MAD1L1: variants seen among roughly 807,000 people sequenced by gnomAD.
MAD1L1 encodes mitotic spindle assembly checkpoint protein MAD1.
Under a neutral mutation model 96.9 loss-of-function variants are expected in MAD1L1, and 95 were observed. That is an observed-to-expected ratio of 0.98 (90% CI 0.83 to 1.16). The LOEUF is 1.16. Ranked by LOEUF, MAD1L1 falls within the 50% of genes most tolerant of loss-of-function variation. The pLI, the probability that MAD1L1 is intolerant of heterozygous loss-of-function variation, is 0.00. For synonymous variants in MAD1L1, 473 were observed against 396.6 expected, an observed-to-expected ratio of 1.19 and a Z score of -2.29; for missense variants, 1,007 against 954.4, an observed-to-expected ratio of 1.06 and a Z score of -0.73.
At chr7:1,878,022 A>G (rs1785472747) in intron 18 of MAD1L1, among the ~76,000 whole-genome samples, 2 of 152,224 alleles carry the variant, frequency 1.3e-5, no homozygotes, top group Non-Finnish European at 2.9e-5. Context: ...TGCTATGGGT[A>G]ATACAAGGAT....
chr7:1,968,896 T>C lies in MAD1L1; in HGVS notation c.1506-11177A>G, dbSNP rs904046691. On this transcript the variant is annotated intron_variant, in intron 15 of 18. Coordinates refer to ENST00000265854, the MANE Select transcript of MAD1L1 (RefSeq NM_001013836.2). The surrounding 1 kb of genome is among the most constrained non-coding windows in gnomAD (Gnocchi z 5.6). ...TCAACACGGTGCCCTGGCTGCAACATGCAGGAAAGCCTGGTGGATCCAAAC... is the reference window on the plus strand; with the variant it reads ...TCAACACGGTGCCCTGGCTGCAACACGCAGGAAAGCCTGGTGGATCCAAAC... 9.2e-5 allele frequency among the ~76,000 whole-genome samples: 14 copies of C among 152,168 alleles called. No individual in the cohort carries two copies. The highest frequency in any genetic ancestry group is 1.5e-4 in the Non-Finnish European group (10 of 68,040).
At chr7:2,104,511 G>A (rs1293390942) in intron 11 of MAD1L1, among the ~76,000 whole-genome samples, 1 of 152,228 alleles carries the variant, frequency 6.6e-6, no homozygotes, top group African/African-American at 2.4e-5. Flanking sequence ...CACGCGCTCT[G>A]CCACCAGAGA....
chr7:1,857,989 C>A (rs1406370634), intron 18 of MAD1L1, among the ~76,000 whole-genome samples: 2 of 152,256 alleles, frequency 1.3e-5, no homozygotes, highest in Admixed American at 1.3e-4. Flanking sequence ...CTGGCAACCG[C>A]TGTCCACAGA....
chr7:1,860,841 C>T (rs895885836), intron 18 of MAD1L1, among the ~76,000 whole-genome samples: 7 of 152,228 alleles, frequency 4.6e-5, no homozygotes, highest in Non-Finnish European at 8.8e-5. Context: ...GCACTGAGGA[C>T]AGCTCAAGGC....
intron 11 of MAD1L1, among the ~76,000 whole-genome samples, chr7:2,082,987 G>T (rs1435389988): frequency 6.6e-6 from 1 of 152,200 alleles, no homozygotes; most frequent in Non-Finnish European, 1.5e-5. Flanking sequence ...CTCTCGCGCT[G>T]CAGGGAGAGC....
chr7:1,847,172 A>AGTTCCTCCCTGGTCCAGGGT (rs1274255306), intron 18 of MAD1L1: 39 of 439,246 alleles, frequency 8.9e-5, no homozygotes, highest in Admixed American at 7.5e-4. Context: ...GGGAACAAGG[A>AGTTCCTCCCTGGTCCAGGGT]GTTCCTCCCT....
chr7:2,160,602 G>A (rs1053782135), intron 10 of MAD1L1, among the ~76,000 whole-genome samples: 1 of 151,474 alleles, frequency 6.6e-6, no homozygotes, highest in African/African-American at 2.4e-5. Context: ...CAAAGTGCTG[G>A]GATTACAGGC....
intron 10 of MAD1L1, among the ~76,000 whole-genome samples, chr7:2,198,093 T>C (rs557788311): frequency 6.6e-6 from 1 of 152,004 alleles, no homozygotes; most frequent in Non-Finnish European, 1.5e-5. Context: ...GTTTTTTTTT[T>C]TTTTTTTGGA....
intron 18 of MAD1L1, among the ~76,000 whole-genome samples, chr7:1,886,707 G>T (rs1338508323): frequency 1.3e-5 from 2 of 152,286 alleles, no homozygotes; most frequent in East Asian, 3.8e-4. Flanking sequence ...CCTGTGATCT[G>T]GGTGACCCTG....
At chr7:1,878,413 C>T (rs938245998) in intron 18 of MAD1L1, among the ~76,000 whole-genome samples, 1 of 151,970 alleles carries the variant, frequency 6.6e-6, no homozygotes, top group Non-Finnish European at 1.5e-5. Flanking sequence ...CAAAAATTCT[C>T]ACTAAAAATT....
At chr7:2,210,741 C>T (rs930840187) in intron 10 of MAD1L1, among the ~76,000 whole-genome samples, 7 of 152,342 alleles carry the variant, frequency 4.6e-5, no homozygotes, top group South Asian at 2.1e-4. Flanking sequence ...CAACCCAGCA[C>T]GTGAGGAAAC....
chr7:2,060,066 T>TCAAGATACGCTGATGC (rs1344661908), intron 12 of MAD1L1, among the ~76,000 whole-genome samples: 1 of 140,314 alleles, frequency 7.1e-6, no homozygotes, highest in East Asian at 2.2e-4. Flanking sequence ...TGCCGAGGTA[T>TCAAGATACGCTGATGC]CAAGATACGC....
chr7:1,854,362 C>T (rs1420561850), intron 18 of MAD1L1: 4 of 473,418 alleles, frequency 8.4e-6, no homozygotes, highest in Non-Finnish European at 1.7e-5. Context: ...GGGGAACCTA[C>T]CCTGTGGAAG....
chr7:1,883,628 A>G (rs1015992223), intron 18 of MAD1L1, among the ~76,000 whole-genome samples: 2 of 152,070 alleles, frequency 1.3e-5, no homozygotes, highest in African/African-American at 4.8e-5. Context: ...AATCCACACA[A>G]AACACTTCTG....
intron 18 of MAD1L1, chr7:1,817,433 G>C (rs1187302701): frequency 6.6e-6 from 1 of 152,312 alleles, no homozygotes; most frequent in Non-Finnish European, 1.5e-5. Context: ...CTCAACCGCC[G>C]GAGGGAGACA....
intron 11 of MAD1L1, among the ~76,000 whole-genome samples, chr7:2,090,076 G>A (rs1786130055): frequency 6.6e-6 from 1 of 152,246 alleles, no homozygotes. Context: ...GAATGGCATG[G>A]TCGTGTTTAA....
chr7:1,906,558 G>A (rs971488222), intron 17 of MAD1L1, among the ~76,000 whole-genome samples: 19 of 152,248 alleles, frequency 1.2e-4, no homozygotes, highest in African/African-American at 4.3e-4. Context: ...TTTTCCTGCA[G>A]GGCACAGATT....
intron 11 of MAD1L1, among the ~76,000 whole-genome samples, chr7:2,147,458 C>T (rs374424503): frequency 6.6e-6 from 1 of 152,260 alleles, no homozygotes; most frequent in Non-Finnish European, 1.5e-5. Context: ...CAGACACACA[C>T]ATGAAAGCAA....
chr7:2,181,202 T>C (rs1332534399), intron 10 of MAD1L1, among the ~76,000 whole-genome samples: 2 of 152,264 alleles, frequency 1.3e-5, no homozygotes, highest in African/African-American at 2.4e-5. Flanking sequence ...CATGTATGAA[T>C]TATACTTTCT....
Sources: gnomAD v4.1 joint callset for allele counts (sites outside exome capture counted in the v4.1 genomes callset) on GRCh38, gnomAD v4.1.1 for gene constraint, Gnocchi (gnomAD v3.1) non-coding constraint, MANE v1.5 for transcripts, NCBI Gene and HGNC (gene_info 2026-07-23, HGNC 2026-07-21) for gene names.